Variants in RINL observed in about 807,000 individuals in gnomAD.
RINL encodes the protein Ras and Rab interactor like.
RINL carries 39 observed loss-of-function variants against 58.1 expected under a neutral mutation model. The ratio of observed to expected loss-of-function variants is 0.67; its 90% CI spans 0.52 to 0.88. The LOEUF is 0.88. RINL is among the 40% of genes least tolerant of loss of function. The probability of loss-of-function intolerance (pLI) is 0.00; values close to 1 mark genes in which losing one functional copy is unlikely to be tolerated. For missense variants in RINL, 711 were observed against 749.2 expected, an observed-to-expected ratio of 0.95 and a Z score of 0.60; for synonymous variants, 286 against 323.1, an observed-to-expected ratio of 0.89 and a Z score of 1.23.
In RINL at chr19:38,876,484, G is replaced by T; in HGVS notation, c.57C>A (p.Val19=). The part of the protein sequence containing the change: ...PEVPTEGVRL[V]PPQVNKADRT... ...TGTCTGCTTTGTTCACCTGTGGTGG[G>T]ACCAGCCTGGGATGGACAGTGTCCA... Residue 19 remains valine (V), a synonymous_variant, in exon 3 of 12, where the codon GTC becomes GTA. Transcript: ENST00000591812. The T allele has an allele frequency of 6.5e-7, 1 of 1,535,984 alleles. No homozygotes were observed. The highest frequency in any genetic ancestry group is 1.2e-5 in the South Asian group (1 of 84,046).
intron 1 of RINL, 57 bp downstream of exon 1, chr19:38,878,175 C>T (rs937028477): frequency 6.6e-6 from 1 of 151,934 alleles, no homozygotes; most frequent in African/African-American, 2.4e-5. Flanking sequence ...CTGCCTCATA[C>T]CAAAGGGAGG....
Position 38,869,850 on chromosome 19 carries a change from C to G in RINL, c.1342+93G>C, listed in dbSNP as rs773224462. 6.6e-7 allele frequency: 1 copy of G among 1,520,392 alleles called. No individual in the cohort carries two copies. The highest frequency in any genetic ancestry group is 1.2e-5 in the South Asian group (1 of 82,840). The allele number at this position is 1,520,392 out of a possible 1,614,324, so 94.2% of individuals were successfully genotyped here. A position where few individuals can be genotyped will look rare whatever the true frequency, so the allele number is the denominator to read the frequency against. ...CGCCTCCTACCAGAATCTTCAGGACCGCATAGATTCCTCCCACCAGTGCTA... is the reference window on the plus strand; with the variant it reads ...CGCCTCCTACCAGAATCTTCAGGACGGCATAGATTCCTCCCACCAGTGCTA... On this transcript the variant is annotated intron_variant, in intron 9 of 11. Transcript: ENST00000591812. The surrounding 1 kb of genome is among the most constrained non-coding windows in gnomAD (Gnocchi z 5.7).
At chr19:38,875,488 C>T (rs1253160356) in intron 3 of RINL, among the ~76,000 whole-genome samples, 4 of 151,842 alleles carry the variant, frequency 2.6e-5, no homozygotes, top group Non-Finnish European at 4.4e-5. Context: ...CCAGCTTGGC[C>T]AACATGGTGA....
chr19:38,869,094 TG>T lies in RINL; in HGVS notation c.*9del. ...GGGATTACAGGCATGAACGGAGGGG[TG>T]TGAAACCCCTAGTTGTCACTGGTCC... On this transcript the variant is annotated 3_prime_UTR_variant, in exon 12 of 12. Transcript: ENST00000591812. This position sits in a 1 kb window ranked among gnomAD's most constrained non-coding sequence, Gnocchi z 5.7. 1 of 1,583,862 alleles carries T rather than the reference TG, an allele frequency of 6.3e-7. No homozygotes were observed. Among genetic ancestry groups the T allele is most frequent in the South Asian group, 1.1e-5 (1 of 87,482 alleles).
chr19:38,876,173 C>T (rs1972920009), intron 3 of RINL, among the ~76,000 whole-genome samples, 158 bp downstream of exon 3: 1 of 152,076 alleles, frequency 6.6e-6, no homozygotes, highest in South Asian at 2.1e-4. Flanking sequence ...GATCCTCCCA[C>T]CTCAGCCTCA....
At position 38,871,868 on chromosome 19, in the gene RINL, C is replaced by T; in HGVS notation, c.316G>A (p.Val106Met). The T allele has an allele frequency of 6.2e-7, 1 of 1,613,472 alleles. No individual in the cohort carries two copies. Among genetic ancestry groups the T allele is most frequent in the South Asian group, 1.1e-5 (1 of 91,072 alleles). The part of the protein sequence containing the change: ...TYQIQKIPRG[V>M]SLESSNLCMP... ...CAGAGGTTGGAGGATTCCAGGGACA[C>T]ACCTGTGGTGGGGGGAGGAAGAAGG... The change falls in exon 5 of 12, where the codon GTG becomes ATG. Residue 106 changes from valine (V) to methionine (M), a missense_variant and splice_region_variant. By Grantham distance (21) the Val-to-Met change is conservative (BLOSUM62 1). Transcript: ENST00000591812.
At chr19:38,872,501 A>AATAT (rs1478573177) in intron 4 of RINL, among the ~76,000 whole-genome samples, 1 of 152,104 alleles carries the variant, frequency 6.6e-6, no homozygotes, top group Non-Finnish European at 1.5e-5. Flanking sequence ...TAAATAAATA[A>AATAT]ATAAATAAAA....
At chr19:38,871,270 G>T in intron 6 of RINL, 43 bp from the exon 7 acceptor site, 3 of 1,610,974 alleles carry the variant, frequency 1.9e-6, no homozygotes, top group Non-Finnish European at 2.5e-6. Flanking sequence ...GTATCCAAGG[G>T]ACCAACCCTG....
At position 38,876,324 on chromosome 19, in the gene RINL, T is replaced by A; in HGVS notation, c.210+7A>T. ...GTCAGGATGGGCCCCCAGCTGTGAG[T>A]ACTCACCCCTAGTGGCCACAGCCCC... On this transcript the variant is annotated splice_region_variant and intron_variant, in intron 3 of 11. Transcript: ENST00000591812. 1.3e-6 allele frequency: 2 copies of A among 1,535,552 alleles called. No homozygotes were observed. Among genetic ancestry groups the A allele is most frequent in the Non-Finnish European group, 1.7e-6 (2 of 1,146,536 alleles).
rs768863302 is a variant in RINL at position 38,873,963 on chromosome 19, G to A, written c.236C>T (p.Pro79Leu). 143 of 1,535,482 alleles carry A rather than the reference G, an allele frequency of 9.3e-5. No homozygotes were observed. The highest frequency in any genetic ancestry group is 1.1e-4 in the Non-Finnish European group (128 of 1,146,524). The stretch of plus-strand genomic sequence containing the variant: ...TGACCTCAACACCAGGGCCTGGCTG[G>A]GGTCACGTCCTGTGACCAAGAAACT... ...LGSFLVTGRD[P>L]SQALVLRSGP... Residue 79 changes from proline to leucine, a missense_variant, in exon 4 of 12, where the codon CCC becomes CTC. Transcript: ENST00000591812.
rs764435717 is a variant in RINL, at chr19:38,870,578, T to A, written c.1016A>T (p.Glu339Val). 6.4e-7 allele frequency: 1 copy of A among 1,568,400 alleles called. No homozygotes were observed. The highest frequency in any genetic ancestry group is 1.2e-5 in the South Asian group (1 of 85,034). Residue 339 changes from glutamate to valine, a missense_variant, in exon 8 of 12, where the codon GAG becomes GTG. Physicochemically the swap from Glu to Val is moderately radical, Grantham distance 121 (BLOSUM62 -2). Transcript: ENST00000591812. This position sits in a 1 kb window ranked among gnomAD's most constrained non-coding sequence, Gnocchi z 5.8. ...SRGPGLPKKD[E>V]DPGPALETAV... is the part of the protein sequence containing the mutation. ...TCCAGTCCTCCCATTACCTGGATCC[T>A]CGTCCTTCTTGGGGAGCCCAGGACC...
chr19:38,871,259 G>C (rs200020556), intron 6 of RINL, 32 bp from the exon 7 acceptor site: 1 of 1,613,130 alleles, frequency 6.2e-7, no homozygotes, highest in East Asian at 2.2e-5. Context: ...AGGTGTCCTA[G>C]GTATCCAAGG....
intron 3 of RINL, among the ~76,000 whole-genome samples, chr19:38,875,626 G>A (rs867007931): frequency 1.8e-4 from 28 of 151,742 alleles, no homozygotes; most frequent in African/African-American, 6.8e-4. Context: ...GCAGTGTGCC[G>A]AGATCATGCC....
At position 38,871,683 on chromosome 19, in the gene RINL, GC is replaced by G. The variant is rs762230650; in HGVS notation, c.414del (p.Leu138PhefsTer6). ...SRDVLPRTLL[L>X]PPPTLGPRDE... Reference sequence around the variant, plus strand: ...TCTCTGGGCCCTAGAGTGGGAGGGGGCAAGAGCAGGGTTCTGGGCAGAACAT... The same window carrying G: ...TCTCTGGGCCCTAGAGTGGGAGGGGGAAGAGCAGGGTTCTGGGCAGAACAT... On this transcript the variant is annotated frameshift_variant, in exon 6 of 12. Coordinates refer to ENST00000591812, the MANE Select transcript of RINL (RefSeq NM_001195833.2). LOFTEE classifies it high-confidence loss of function. 2 of 1,614,116 alleles carry G rather than the reference GC, an allele frequency of 1.2e-6. No homozygotes were observed. The highest frequency in any genetic ancestry group is 1.7e-6 in the Non-Finnish European group (2 of 1,180,014).
At chr19:38,874,366 G>A (rs1393810773) in intron 3 of RINL, among the ~76,000 whole-genome samples, 4 of 151,984 alleles carry the variant, frequency 2.6e-5, no homozygotes, top group Admixed American at 6.6e-5. Context: ...TCCGCCTCCC[G>A]GGGTCAAGCG....
Position 38,869,287 on chromosome 19 carries a change from C to CG in RINL, c.1597dup (p.Arg533ProfsTer20). On this transcript the variant is annotated frameshift_variant, in exon 11 of 12. Transcript: ENST00000591812. LOFTEE classifies it low-confidence loss of function (END_TRUNC). The surrounding 1 kb of genome is among the most constrained non-coding windows in gnomAD (Gnocchi z 5.7). ...ATCCTTTCTGTGCAGCGTCCGCCTG[C>CG]GGTGCCACTGGTGCAGGGAGGCGCG... 6.2e-7 allele frequency: 1 copy of CG among 1,614,094 alleles called. No homozygotes were observed. The highest frequency in any genetic ancestry group is 2.2e-5 in the East Asian group (1 of 44,876).
At chr19:38,876,555 C>T in intron 2 of RINL, 65 bp from the exon 3 acceptor site, 1 of 1,498,514 alleles carries the variant, frequency 6.7e-7, no homozygotes, top group Non-Finnish European at 9.0e-7. Flanking sequence ...GAGGTGAGGT[C>T]AAAGGTACAG....
At position 38,877,586 on chromosome 19, in the gene RINL, A is replaced by C. The variant is rs76729560; in HGVS notation, c.-40+646T>G. 4.6e-3 allele frequency among the ~76,000 whole-genome samples: 696 copies of C among 152,334 alleles called. 29 individuals are homozygous for C. In the East Asian group the frequency reaches 0.089, roughly 19 times the overall value. On this transcript the variant is annotated intron_variant, in intron 1 of 11. Transcript: ENST00000591812. ...AAAGAATTGTACAGGAAACATCCCT[A>C]TGCCCACTACCAAGATTCTACCATG...
chr19:38,869,934 C>T lies in RINL; in HGVS notation c.1342+9G>A. ...TCCCCACCACGCTAGACGTTGACCC[C>T]TCCCTTACCTTGGTTCTCGCCTCGA... On this transcript the variant is annotated intron_variant, in intron 9 of 11. Transcript: ENST00000591812. This position sits in a 1 kb window ranked among gnomAD's most constrained non-coding sequence, Gnocchi z 5.7. The T allele has an allele frequency of 6.3e-7, 1 of 1,591,514 alleles. No individual in the cohort carries two copies. The highest frequency in any genetic ancestry group is 8.5e-7 in the Non-Finnish European group (1 of 1,170,650).
Sources: gnomAD v4.1 joint callset for allele counts (sites outside exome capture counted in the v4.1 genomes callset) on GRCh38, gnomAD v4.1.1 for gene constraint, Gnocchi (gnomAD v3.1) non-coding constraint, MANE v1.5 for transcripts, NCBI Gene and HGNC (gene_info 2026-07-23, HGNC 2026-07-21) for gene names.